KIAA1217: variants seen among roughly 807,000 people sequenced by gnomAD.
KIAA1217 encodes KIAA1217, also known as sickle tail protein homolog.
In KIAA1217, 88 loss-of-function variants were observed where a neutral mutation model predicts 163.9. The ratio of observed to expected loss-of-function variants is 0.54; its 90% CI spans 0.45 to 0.64. The LOEUF is 0.64. Among genes scored for constraint, KIAA1217 ranks in the 30% least tolerant of loss-of-function variants. The pLI is 0.00. For synonymous variants in KIAA1217, 903 were observed against 923.1 expected (o/e 0.98, Z 0.39); for missense variants, 2,372 against 2,475.0 (o/e 0.96, Z 0.88).
intron 6 of KIAA1217, among the ~76,000 whole-genome samples, chr10:24,490,266 A>G (rs923659452): frequency 6.6e-6 from 1 of 152,220 alleles, no homozygotes; most frequent in Admixed American, 6.5e-5. Flanking sequence ...TAATTGTATC[A>G]GTCCTGTCAT....
intron 1 of KIAA1217, among the ~76,000 whole-genome samples, chr10:23,849,706 A>G (rs1839211550): frequency 1.3e-5 from 2 of 152,128 alleles, no homozygotes; most frequent in East Asian, 3.8e-4. Context: ...TAAAACTTAA[A>G]AAAAAGAGTT....
intron 1 of KIAA1217, among the ~76,000 whole-genome samples, chr10:23,879,836 A>C (rs1243823623): frequency 1.3e-5 from 2 of 151,918 alleles, no homozygotes; most frequent in African/African-American, 4.8e-5. Context: ...ATAATGTAGG[A>C]GAAGGAAGGA....
chr10:23,830,388 T>C (rs542364118), intron 1 of KIAA1217, among the ~76,000 whole-genome samples: 14 of 152,282 alleles, frequency 9.2e-5, no homozygotes, highest in African/African-American at 3.1e-4. Flanking sequence ...AATGACACAA[T>C]CTTGATAAAA....
At chr10:24,220,486 GCT>G (rs1346792794) in intron 2 of KIAA1217, among the ~76,000 whole-genome samples, 7 of 104,428 alleles carry the variant, frequency 6.7e-5, no homozygotes, top group Non-Finnish European at 1.0e-4. Context: ...ATGGAGTCTT[GCT>G]CTGTCGCCCA....
intron 2 of KIAA1217, among the ~76,000 whole-genome samples, chr10:24,178,192 G>T (rs1307436700): frequency 6.6e-6 from 1 of 152,148 alleles, no homozygotes; most frequent in East Asian, 1.9e-4. Context: ...AATGTCACTT[G>T]CATAGGGATT....
At chr10:24,355,726 C>CTGT (rs2049001042) in intron 2 of KIAA1217, among the ~76,000 whole-genome samples, 1 of 69,236 alleles carries the variant, frequency 1.4e-5, no homozygotes, top group African/African-American at 3.9e-5. Flanking sequence ...CAAGTCCTCA[C>CTGT]TCTTTTTTTT....
At chr10:24,385,742 ACT>A (rs897739402) in intron 3 of KIAA1217, among the ~76,000 whole-genome samples, 1 of 152,108 alleles carries the variant, frequency 6.6e-6, no homozygotes, top group Non-Finnish European at 1.5e-5. Context: ...CTTCTCCTTT[ACT>A]CTCTCTTCAG....
chr10:24,544,879 G>C, intron 19 of KIAA1217, 102 bp from the exon 20 acceptor site: 1 of 1,296,514 alleles, frequency 7.7e-7, no homozygotes, highest in Non-Finnish European at 1.1e-6. Context: ...TAGGGCTGTG[G>C]CTTCTCACCT....
At chr10:24,205,282 C>T (rs571049759), upstream of KIAA1217, among the ~76,000 whole-genome samples, 4 of 139,740 alleles carry the variant, frequency 2.9e-5, no homozygotes, top group East Asian at 2.2e-4. Flanking sequence ...TGTGGTGAAA[C>T]CCCGTCTCTA....
intron 1 of KIAA1217, among the ~76,000 whole-genome samples, chr10:23,793,861 G>A (rs1213848966): frequency 1.3e-5 from 2 of 152,098 alleles, no homozygotes; most frequent in African/African-American, 4.8e-5. Flanking sequence ...GCTCTTAAAA[G>A]CAAAGGAGAT....
intron 2 of KIAA1217, among the ~76,000 whole-genome samples, chr10:24,329,192 A>G (rs1247277561): frequency 6.1e-5 from 9 of 147,938 alleles, no homozygotes; most frequent in Non-Finnish European, 1.3e-4. Flanking sequence ...GTATATACAT[A>G]GTATATAAAT....
chr10:23,861,486 G>T (rs1440324559), intron 1 of KIAA1217, among the ~76,000 whole-genome samples: 3 of 152,140 alleles, frequency 2.0e-5, no homozygotes, highest in Non-Finnish European at 4.4e-5. Flanking sequence ...TGTAATTAGG[G>T]TCACATGCTT....
At chr10:24,430,398 A>T (rs2059507421) in intron 3 of KIAA1217, among the ~76,000 whole-genome samples, 1 of 152,182 alleles carries the variant, frequency 6.6e-6, no homozygotes, top group Non-Finnish European at 1.5e-5. Context: ...TTGCTACATC[A>T]GTGGTCCCTA....
At chr10:23,772,817 A>C (rs572754915) in intron 1 of KIAA1217, among the ~76,000 whole-genome samples, 1 of 152,338 alleles carries the variant, frequency 6.6e-6, no homozygotes, top group Non-Finnish European at 1.5e-5. Context: ...CATCCCTGGC[A>C]TACAAGCAGC....
chr10:24,142,489 A>G (rs1435720559), intron 2 of KIAA1217, among the ~76,000 whole-genome samples: 1 of 152,172 alleles, frequency 6.6e-6, no homozygotes, highest in East Asian at 1.9e-4. Flanking sequence ...AGGAAGATGG[A>G]CCTGTTGGGT....
At chr10:24,279,273 T>C (rs2077645431) in intron 2 of KIAA1217, among the ~76,000 whole-genome samples, 1 of 151,754 alleles carries the variant, frequency 6.6e-6, no homozygotes, top group East Asian at 1.9e-4. Context: ...TGTTTTTGTT[T>C]GTTTGTTTTT....
chr10:24,031,919 G>C (rs866318287), intron 2 of KIAA1217, among the ~76,000 whole-genome samples: 36 of 152,006 alleles, frequency 2.4e-4, no homozygotes, highest in Admixed American at 2.4e-3. Flanking sequence ...GGTTTATTCA[G>C]TTTTGCTCAT....
At chr10:23,805,663 C>G (rs555188318) in intron 1 of KIAA1217, among the ~76,000 whole-genome samples, 1 of 152,012 alleles carries the variant, frequency 6.6e-6, no homozygotes, top group East Asian at 1.9e-4. Flanking sequence ...TAACATGTAC[C>G]ACTGAACTTA....
At chr10:24,309,338 GCACGCGCGCGCGCACACA>G (rs2042388993) in intron 2 of KIAA1217, among the ~76,000 whole-genome samples, 2 of 90,206 alleles carry the variant, frequency 2.2e-5, no homozygotes, top group South Asian at 8.9e-4. Context: ...ATAGGCGCGC[GCACGCGCGCGCGCACACA>G]CACACACACA....
Sources: allele counts gnomAD v4.1 joint callset (sites outside exome capture counted in the v4.1 genomes callset), GRCh38; gene constraint gnomAD v4.1.1; transcripts MANE v1.5; gene names NCBI Gene and HGNC (gene_info 2026-07-23, HGNC 2026-07-21).